DHRS3: variants seen among roughly 807,000 people sequenced by gnomAD.
The protein encoded by DHRS3 is short-chain dehydrogenase/reductase 3.
A neutral mutation model predicts 27.2 loss-of-function variants in DHRS3; 14 were observed. The observed-to-expected ratio is 0.52, with a 90% CI of 0.34 to 0.81. DHRS3 has a LOEUF of 0.81. Among genes scored for constraint, DHRS3 ranks in the 30% least tolerant of loss-of-function variants. The pLI is 0.01. For synonymous variants in DHRS3, 165 were observed against 175.9 expected, an observed-to-expected ratio of 0.94 and a Z score of 0.49; for missense variants, 322 against 406.2, an observed-to-expected ratio of 0.79 and a Z score of 1.78.
chr1:12,597,094 C>CT (rs888439171), intron 1 of DHRS3, among the ~76,000 whole-genome samples: 23 of 152,004 alleles, frequency 1.5e-4, no homozygotes, highest in Admixed American at 3.3e-4. Flanking sequence ...TCCCCCCGCC[C>CT]TAGACGGAGT....
intron 1 of DHRS3, among the ~76,000 whole-genome samples, chr1:12,601,270 C>T (rs1485937883): frequency 6.6e-6 from 1 of 152,120 alleles, no homozygotes; most frequent in Non-Finnish European, 1.5e-5. Flanking sequence ...CCATGACCCA[C>T]AGCTGGCCAA....
intron 5 of DHRS3, among the ~76,000 whole-genome samples, chr1:12,570,750 CT>C (rs1176516591): frequency 2.6e-5 from 4 of 152,200 alleles, no homozygotes; most frequent in African/African-American, 4.8e-5. Flanking sequence ...ACCTGAGCCC[CT>C]GATCAACTAG....
At chr1:12,568,490 T>C (rs1236984380) in intron 5 of DHRS3, 66 bp from the exon 6 acceptor site, 2 of 1,509,062 alleles carry the variant, frequency 1.3e-6, no homozygotes, top group Non-Finnish European at 1.8e-6. Context: ...GCTGGGTCGC[T>C]GGTGGCCATG....
intron 1 of DHRS3, among the ~76,000 whole-genome samples, chr1:12,589,749 C>T (rs912571711): frequency 2.6e-5 from 4 of 152,084 alleles, no homozygotes; most frequent in Non-Finnish European, 4.4e-5. Context: ...TTTGGGAGGC[C>T]GAGGTGGGGG....
chr1:12,589,395 T>C (rs958366063), intron 1 of DHRS3, among the ~76,000 whole-genome samples: 3 of 150,336 alleles, frequency 2.0e-5, no homozygotes, highest in African/African-American at 7.3e-5. Context: ...CTTTTTCTTT[T>C]TTTTTTTTTT....
intron 1 of DHRS3, among the ~76,000 whole-genome samples, chr1:12,582,169 C>T (rs1219934104): frequency 6.6e-6 from 1 of 152,274 alleles, no homozygotes; most frequent in African/African-American, 2.4e-5. Context: ...AGAAAAGTCA[C>T]ATTGATAAGG....
chr1:12,583,551 A>C, intron 1 of DHRS3, among the ~76,000 whole-genome samples: 2 of 127,098 alleles, frequency 1.6e-5, no homozygotes, highest in Non-Finnish European at 3.3e-5. Context: ...ACCCCACTCC[A>C]TCCACCCATC....
rs1239816457 is a variant in DHRS3 at position 12,574,772 on chromosome 1, G to A, written c.699-1919C>T. Reference sequence around the variant, plus strand: ...GCAGGATTTTCTCCTTCCTCTCCACGGTGTGTGGGATGGGGACACGGGGAA... The same window carrying A: ...GCAGGATTTTCTCCTTCCTCTCCACAGTGTGTGGGATGGGGACACGGGGAA... On this transcript the variant is annotated intron_variant, in intron 4 of 5. Coordinates refer to ENST00000616661, the MANE Select transcript of DHRS3 (RefSeq NM_004753.7). This position sits in a 1 kb window ranked among gnomAD's most constrained non-coding sequence, Gnocchi z 4.6. Among the ~76,000 whole-genome samples the A allele has an allele frequency of 6.6e-6, 1 of 152,198 alleles. No homozygotes were observed. The highest frequency in any genetic ancestry group is 1.5e-5 in the Non-Finnish European group (1 of 68,038).
intron 1 of DHRS3, among the ~76,000 whole-genome samples, chr1:12,589,247 C>T (rs1257363096): frequency 6.6e-6 from 1 of 152,150 alleles, no homozygotes; most frequent in Non-Finnish European, 1.5e-5. Flanking sequence ...AGGAGAGACC[C>T]TTTCTCGAGT....
chr1:12,606,593 G>A (rs550784533), intron 1 of DHRS3, among the ~76,000 whole-genome samples: 7 of 152,070 alleles, frequency 4.6e-5, no homozygotes, highest in East Asian at 1.9e-4. Context: ...GGGTTCAAGC[G>A]ATTCTCCTGC....
At chr1:12,607,108 C>T (rs981962020) in intron 1 of DHRS3, among the ~76,000 whole-genome samples, 14 of 152,134 alleles carry the variant, frequency 9.2e-5, no homozygotes, top group African/African-American at 3.4e-4. Context: ...GAAAAACACC[C>T]AGGAAAGCCT....
chr1:12,611,141 A>G (rs916346287), intron 1 of DHRS3, among the ~76,000 whole-genome samples: 8 of 152,240 alleles, frequency 5.3e-5, no homozygotes. Flanking sequence ...AGAGATCAGA[A>G]GGGCTTGGAA....
intron 1 of DHRS3, among the ~76,000 whole-genome samples, chr1:12,582,996 C>T (rs1021454366): frequency 6.7e-6 from 1 of 150,280 alleles, no homozygotes. Flanking sequence ...ATCCATCCCT[C>T]ACCTACCCCA....
At chr1:12,583,590 TATCCATCC>T (rs111034356) in intron 1 of DHRS3, among the ~76,000 whole-genome samples, 960 of 94,948 alleles carry the variant, frequency 0.01, 16 homozygotes, top group South Asian at 0.037. Flanking sequence ...CTCACCTACT[TATCCATCC>T]ATCCATCCAT....
At chr1:12,569,294 A>AGAGT (rs112954322) in intron 5 of DHRS3, among the ~76,000 whole-genome samples, 1 of 151,216 alleles carries the variant, frequency 6.6e-6, no homozygotes, top group Non-Finnish European at 1.5e-5. Flanking sequence ...AAAAAGGCAG[A>AGAGT]GAGTGAGTGA....
At chr1:12,576,971 C>T (rs369275999) in intron 4 of DHRS3, among the ~76,000 whole-genome samples, 14 of 151,416 alleles carry the variant, frequency 9.2e-5, no homozygotes, top group South Asian at 2.1e-4. Context: ...CCACCAAGCC[C>T]GGTATTTTTG....
At chr1:12,613,225 A>G (rs1243578181) in intron 1 of DHRS3, among the ~76,000 whole-genome samples, 2 of 152,182 alleles carry the variant, frequency 1.3e-5, no homozygotes, top group Non-Finnish European at 2.9e-5. Flanking sequence ...TTTTGAGTGG[A>G]GAGGAACCCA....
chr1:12,606,873 A>G (rs1009032694), intron 1 of DHRS3, among the ~76,000 whole-genome samples: 3 of 152,204 alleles, frequency 2.0e-5, no homozygotes, highest in Non-Finnish European at 4.4e-5. Flanking sequence ...AGGATGAAGC[A>G]TTAACCACTA....
At position 12,568,336 on chromosome 1, in the gene DHRS3, GTC is replaced by G; in HGVS notation, c.*2_*3del. On this transcript the variant is annotated 3_prime_UTR_variant, in exon 6 of 6. Coordinates refer to ENST00000616661, the MANE Select transcript of DHRS3 (RefSeq NM_004753.7). ...GGCTCCTCAAGCATGTCTTCATCCT[GTC>G]TCTATGTCCGCCCTTTGAAAGTGTT... is the stretch of plus-strand genomic sequence containing the variant. 1 of 1,613,482 alleles carries G rather than the reference GTC, an allele frequency of 6.2e-7. No individual in the cohort carries two copies. Among genetic ancestry groups the G allele is most frequent in the Non-Finnish European group, 8.5e-7 (1 of 1,179,468 alleles).
Sources: gnomAD v4.1 joint callset for allele counts (sites outside exome capture counted in the v4.1 genomes callset) on GRCh38, gnomAD v4.1.1 for gene constraint, Gnocchi (gnomAD v3.1) non-coding constraint, MANE v1.5 for transcripts, NCBI Gene and HGNC (gene_info 2026-07-23, HGNC 2026-07-21) for gene names.